SVIL: variants seen among roughly 807,000 people sequenced by gnomAD.
SVIL encodes the protein supervillin.
SVIL carries 101 observed loss-of-function variants against 240.4 expected under a neutral mutation model. That is an observed-to-expected ratio of 0.42 (90% CI 0.36 to 0.50). The LOEUF (loss-of-function observed/expected upper bound fraction) is 0.50. SVIL is among the 20% of genes least tolerant of loss of function. SVIL has a pLI of 0.01. For missense variants in SVIL, 2,512 were observed against 2,818.7 expected (o/e 0.89, Z 2.46); for synonymous variants, 999 against 1,100.0 (o/e 0.91, Z 1.82).
At position 29,484,102 on chromosome 10, in the gene SVIL, G is replaced by A. The variant is rs1242300252; in HGVS notation, c.4955+554C>T. The stretch of plus-strand genomic sequence containing the variant: ...ATTGAATTGCCAAAATGACTTTAAA[G>A]AGTCTAGTACATGCAGGGAATATTA... On this transcript the variant is annotated intron_variant, in intron 27 of 37. Transcript: ENST00000355867. The surrounding 1 kb of genome is among the most constrained non-coding windows in gnomAD (Gnocchi z 4.7). 2.0e-5 allele frequency among the ~76,000 whole-genome samples: 3 copies of A among 152,150 alleles called. No individual in the cohort carries two copies. The highest frequency in any genetic ancestry group is 4.4e-5 in the Non-Finnish European group (3 of 68,030).
chr10:29,523,774 T>C lies in SVIL; in HGVS notation c.2840A>G (p.Tyr947Cys). The C allele has an allele frequency of 1.9e-6, 3 of 1,614,240 alleles. No homozygotes were observed. Among genetic ancestry groups the C allele is most frequent in the Non-Finnish European group, 2.5e-6 (3 of 1,180,042 alleles). ...AGCTCTCTTGCTTTCTGTCTCTCCA[T>C]ATTCTCTCAACATTCCCTTGTTCTC... ...GSENKGMLRE[Y>C]GETESKRALT... is the part of the protein sequence containing the mutation. Residue 947 changes from tyrosine to cysteine, a missense_variant, in exon 15 of 38, where the codon TAT becomes TGT. Physicochemically the swap from Tyr to Cys is radical, Grantham distance 194. This residue lies in a region of SVIL where 1,443 missense variants were observed against 1,486.6 expected (regional missense o/e 0.97). Coordinates refer to ENST00000355867, the MANE Select transcript of SVIL (RefSeq NM_021738.3).
chr10:29,556,931 C>T (rs1953986505), intron 3 of SVIL, among the ~76,000 whole-genome samples: 1 of 152,148 alleles, frequency 6.6e-6, no homozygotes, highest in Admixed American at 6.5e-5. Context: ...CAAAAGACCA[C>T]TCAAGAAGCT....
intron 6 of SVIL, among the ~76,000 whole-genome samples, chr10:29,544,719 G>GCACT (rs1318406064): frequency 7.4e-6 from 1 of 135,346 alleles, no homozygotes; most frequent in Non-Finnish European, 1.5e-5. Flanking sequence ...TGCTACTGCT[G>GCACT]CACTCCAGCC....
chr10:29,560,969 G>A (rs1954410068), intron 3 of SVIL, among the ~76,000 whole-genome samples: 1 of 151,788 alleles, frequency 6.6e-6, no homozygotes, highest in Admixed American at 6.6e-5. Context: ...CTCCCGAGTA[G>A]CTGGGACTTG....
At chr10:29,500,546 C>T (rs115825960) in intron 17 of SVIL, among the ~76,000 whole-genome samples, 2 of 152,164 alleles carry the variant, frequency 1.3e-5, no homozygotes, top group Non-Finnish European at 1.5e-5. Context: ...CTGCTGCTAG[C>T]GCATCCGCTT....
At chr10:29,507,741 T>G in intron 17 of SVIL, 2 of 985,070 alleles carry the variant, frequency 2.0e-6, no homozygotes, top group Non-Finnish European at 2.4e-6. Context: ...CCTCACCTGA[T>G]TAATCGACAC....
chr10:29,494,820 A>C (rs1948281363), intron 20 of SVIL, 94 bp downstream of exon 20: 3 of 1,291,880 alleles, frequency 2.3e-6, no homozygotes, highest in Non-Finnish European at 3.3e-6. Flanking sequence ...ATCAGTCTTG[A>C]CCAAAACTTC....
chr10:29,675,842 G>T (rs1024777166), intron 2 of SVIL, among the ~76,000 whole-genome samples: 1 of 152,114 alleles, frequency 6.6e-6, no homozygotes, highest in African/African-American at 2.4e-5. Flanking sequence ...TAGAACTGAT[G>T]TTTATGGTTT....
intron 17 of SVIL, among the ~76,000 whole-genome samples, chr10:29,500,928 C>T (rs1017008990): frequency 8.5e-5 from 13 of 152,152 alleles, no homozygotes; most frequent in African/African-American, 3.1e-4. Context: ...TTCTTAACCC[C>T]TGGAATGATG....
chr10:29,490,117 A>G (rs1211824369), intron 22 of SVIL, among the ~76,000 whole-genome samples: 5 of 152,074 alleles, frequency 3.3e-5, no homozygotes, highest in African/African-American at 1.2e-4. Context: ...TCTGGAGCCC[A>G]TCTCCTCGCC....
At chr10:29,565,299 C>T (rs1954879018) in intron 2 of SVIL, among the ~76,000 whole-genome samples, 1 of 152,188 alleles carries the variant, frequency 6.6e-6, no homozygotes, top group Admixed American at 6.5e-5. Flanking sequence ...CTTTACGAGT[C>T]ATCACCGGAC....
chr10:29,566,348 CT>C (rs1954959803), intron 2 of SVIL, among the ~76,000 whole-genome samples: 2 of 152,208 alleles, frequency 1.3e-5, no homozygotes, highest in Non-Finnish European at 2.9e-5. Flanking sequence ...TCATCACCCT[CT>C]GGTCCTGTCT....
At chr10:29,653,125 C>A (rs1469542825) in intron 3 of SVIL, among the ~76,000 whole-genome samples, 1 of 152,022 alleles carries the variant, frequency 6.6e-6, no homozygotes, top group Admixed American at 6.6e-5. Flanking sequence ...TCCCTGTGCC[C>A]AGCCTGATAT....
chr10:29,598,855 A>T (rs1049776737), intron 1 of SVIL, among the ~76,000 whole-genome samples: 1 of 151,992 alleles, frequency 6.6e-6, no homozygotes, highest in African/African-American at 2.4e-5. Context: ...GGTTGAGGAA[A>T]GAGTGAAGCG....
chr10:29,460,266 A>T (rs1207568498), intron 36 of SVIL, among the ~76,000 whole-genome samples: 1 of 152,114 alleles, frequency 6.6e-6, no homozygotes. Flanking sequence ...TAAATGAGAA[A>T]ATCAGTGTAA....
chr10:29,618,115 T>C (rs1407710276), intron 1 of SVIL, among the ~76,000 whole-genome samples: 1 of 152,200 alleles, frequency 6.6e-6, no homozygotes, highest in African/African-American at 2.4e-5. Context: ...AGCAGAGCAC[T>C]GTTCTCCTGG....
chr10:29,583,127 TC>T (rs1438759537), intron 1 of SVIL, among the ~76,000 whole-genome samples: 1 of 152,184 alleles, frequency 6.6e-6, no homozygotes, highest in Non-Finnish European at 1.5e-5. Context: ...AGAGCTAGAC[TC>T]CAATAATTTG....
At chr10:29,718,397 A>G (rs976428256) in intron 1 of SVIL, among the ~76,000 whole-genome samples, 1 of 152,250 alleles carries the variant, frequency 6.6e-6, no homozygotes, top group South Asian at 2.1e-4. Context: ...AAAATTACAT[A>G]TGTGGTTTAC....
At chr10:29,549,761 C>G (rs2132640695) in intron 6 of SVIL, among the ~76,000 whole-genome samples, 1 of 143,330 alleles carries the variant, frequency 7.0e-6, no homozygotes, top group East Asian at 2.1e-4. Flanking sequence ...TCTCAGTAAA[C>G]TATCGCAAAA....
Sources: allele counts gnomAD v4.1 joint callset (sites outside exome capture counted in the v4.1 genomes callset), GRCh38; gene constraint gnomAD v4.1.1; regional missense constraint gnomAD v4.1.1; non-coding constraint Gnocchi (gnomAD v3.1); transcripts MANE v1.5; gene names NCBI Gene and HGNC (gene_info 2026-07-23, HGNC 2026-07-21).